The following MICAL3 variants were observed in gnomAD, a reference collection of about 807,000 sequenced individuals.
MICAL3 encodes [F-actin]-monooxygenase MICAL3.
A neutral mutation model predicts 207.4 loss-of-function variants in MICAL3; 62 were observed. That is an observed-to-expected ratio of 0.30 (90% CI 0.24 to 0.37). The LOEUF is 0.37. Ranked by LOEUF, MICAL3 falls within the 10% of genes least tolerant of loss-of-function variation. MICAL3 has a pLI of 1.00. For missense variants in MICAL3, 2,368 were observed against 2,635.6 expected (o/e 0.90, Z 2.22); for synonymous variants, 1,077 against 1,069.3 (o/e 1.01, Z -0.14).
chr22:17,857,440 T>C (rs1926056218), intron 19 of MICAL3, among the ~76,000 whole-genome samples: 1 of 152,212 alleles, frequency 6.6e-6, no homozygotes, highest in Non-Finnish European at 1.5e-5. Flanking sequence ...GTGAAAAAAC[T>C]GTCTTCCACG....
At chr22:17,987,324 TG>T (rs1208430574) in intron 1 of MICAL3, among the ~76,000 whole-genome samples, 1 of 152,248 alleles carries the variant, frequency 6.6e-6, no homozygotes, top group Non-Finnish European at 1.5e-5. Context: ...AGAAGGTGTT[TG>T]GAACTGTAAC....
intron 12 of MICAL3, among the ~76,000 whole-genome samples, chr22:17,890,133 G>T (rs73876527): frequency 6.6e-6 from 1 of 152,038 alleles, no homozygotes; most frequent in African/African-American, 2.4e-5. Context: ...AAGACTGATC[G>T]CATTCTTCTT....
intron 16 of MICAL3, among the ~76,000 whole-genome samples, chr22:17,880,589 T>A (rs116233117): frequency 6.6e-6 from 1 of 152,194 alleles, no homozygotes; most frequent in African/African-American, 2.4e-5. Context: ...AAACATACCA[T>A]GAAGGTCAAC....
chr22:17,914,067 C>T (rs1324296395), intron 1 of MICAL3, among the ~76,000 whole-genome samples: 1 of 152,210 alleles, frequency 6.6e-6, no homozygotes, highest in Non-Finnish European at 1.5e-5. Context: ...GACCAACCCA[C>T]AGTAGCGCTG....
intron 20 of MICAL3, among the ~76,000 whole-genome samples, chr22:17,839,257 C>CCTTTTT (rs1569088578): frequency 2.3e-5 from 2 of 88,050 alleles, no homozygotes; most frequent in Non-Finnish European, 4.3e-5. Context: ...CCGGGCTCTT[C>CCTTTTT]ATTTTTTTTT....
At chr22:17,954,387 A>G (rs1934511178) in intron 1 of MICAL3, among the ~76,000 whole-genome samples, 1 of 152,032 alleles carries the variant, frequency 6.6e-6, no homozygotes, top group Admixed American at 6.5e-5. Context: ...CAAGAGGAAC[A>G]TCAGGGGGAA....
At chr22:17,962,382 G>A (rs932769251) in intron 1 of MICAL3, among the ~76,000 whole-genome samples, 4 of 152,218 alleles carry the variant, frequency 2.6e-5, no homozygotes, top group Non-Finnish European at 4.4e-5. Context: ...CTCGCAGGCT[G>A]GGCAGAGGTA....
intron 1 of MICAL3, among the ~76,000 whole-genome samples, chr22:17,934,505 T>G (rs1933421685): frequency 6.6e-6 from 1 of 152,210 alleles, no homozygotes; most frequent in South Asian, 2.1e-4. Context: ...AATATCATAC[T>G]GAATGGGCAA....
intron 1 of MICAL3, among the ~76,000 whole-genome samples, chr22:17,907,555 C>G (rs187749942): frequency 7.2e-4 from 110 of 152,232 alleles, no homozygotes; most frequent in Admixed American, 5.2e-3. Flanking sequence ...GCTGGGGACG[C>G]AGATCCAGAT....
chr22:17,959,010 G>GT (rs34107784), intron 1 of MICAL3, among the ~76,000 whole-genome samples: 1,705 of 85,844 alleles, frequency 0.02, 28 homozygotes, highest in Non-Finnish European at 0.022. Context: ...CGGGCCTGGG[G>GT]TTTTTTTTTT....
intron 16 of MICAL3, chr22:17,875,421 T>A: frequency 7.0e-7 from 1 of 1,431,714 alleles, no homozygotes; most frequent in Non-Finnish European, 9.3e-7. Context: ...GAGGGCAGAG[T>A]TTTAGTGAGT....
intron 19 of MICAL3, among the ~76,000 whole-genome samples, chr22:17,844,289 C>G (rs1924402754): frequency 6.6e-6 from 1 of 152,160 alleles, no homozygotes; most frequent in Non-Finnish European, 1.5e-5. Flanking sequence ...TTTTGGCATG[C>G]CACATCATAC....
chr22:17,790,614 C>G lies in MICAL3; in HGVS notation c.*118G>C. The stretch of plus-strand genomic sequence containing the variant: ...GACCACTTTCCAAGCAGCACACGGG[C>G]ATCTGAGCGTAAACTCCAAGGAGGT... On this transcript the variant is annotated 3_prime_UTR_variant, in exon 32 of 32. Transcript: ENST00000441493. The G allele has an allele frequency of 1.1e-6, 1 of 900,154 alleles. No individual in the cohort carries two copies. The highest frequency in any genetic ancestry group is 1.7e-6 in the Non-Finnish European group (1 of 604,134). The allele number at this position is 900,154 out of a possible 1,614,324, so 55.8% of individuals were successfully genotyped here. A position where few individuals can be genotyped will look rare whatever the true frequency, so the allele number is the denominator to read the frequency against.
chr22:17,831,289 TG>T (rs1369385378), intron 21 of MICAL3, among the ~76,000 whole-genome samples: 1 of 152,090 alleles, frequency 6.6e-6, no homozygotes, highest in African/African-American at 2.4e-5. Flanking sequence ...CACCCAGAGA[TG>T]GGGCAGAATT....
intron 9 of MICAL3, among the ~76,000 whole-genome samples, 154 bp from the exon 10 acceptor site, chr22:17,895,564 G>A (rs1930756547): frequency 1.3e-5 from 2 of 151,912 alleles, no homozygotes; most frequent in African/African-American, 4.8e-5. Context: ...GTCAGCCCCT[G>A]CTCCCCACAC....
intron 1 of MICAL3, among the ~76,000 whole-genome samples, chr22:17,944,178 A>G (rs966595327): frequency 3.3e-5 from 5 of 152,224 alleles, no homozygotes; most frequent in African/African-American, 1.2e-4. Context: ...TTTGGTTGAC[A>G]TGGACATCAG....
intron 1 of MICAL3, among the ~76,000 whole-genome samples, chr22:18,021,384 C>CA (rs1924465873): frequency 6.6e-6 from 1 of 152,222 alleles, no homozygotes; most frequent in Admixed American, 6.5e-5. Context: ...AGCCATCCTT[C>CA]ATGCAGAACT....
At chr22:17,952,911 G>A (rs1165902047) in intron 1 of MICAL3, among the ~76,000 whole-genome samples, 5 of 152,176 alleles carry the variant, frequency 3.3e-5, no homozygotes, top group African/African-American at 4.8e-5. Context: ...CTCAGAGCAC[G>A]GTTGTAACAT....
At chr22:17,977,352 T>C (rs1033954802) in intron 1 of MICAL3, among the ~76,000 whole-genome samples, 2 of 151,928 alleles carry the variant, frequency 1.3e-5, no homozygotes, top group Admixed American at 1.3e-4. Context: ...AATAAAAAGG[T>C]AACCCAACTT....
Sources: gnomAD v4.1 joint callset for allele counts (sites outside exome capture counted in the v4.1 genomes callset) on GRCh38, gnomAD v4.1.1 for gene constraint, MANE v1.5 for transcripts, NCBI Gene and HGNC (gene_info 2026-07-23, HGNC 2026-07-21) for gene names.